The following FOCAD variants were observed in gnomAD, a reference collection of about 807,000 sequenced individuals.
FOCAD encodes the protein KIAA1797.
A neutral mutation model predicts 225.6 loss-of-function variants in FOCAD; 198 were observed. The ratio of observed to expected loss-of-function variants is 0.88; its 90% CI spans 0.78 to 0.99. FOCAD has a LOEUF of 0.99. FOCAD is among the 50% of genes least tolerant of loss of function. The pLI, the probability that FOCAD is intolerant of heterozygous loss-of-function variation, is 0.00. For missense variants in FOCAD, 2,713 were observed against 2,123.6 expected (o/e 1.28, Z -5.46); for synonymous variants, 897 against 755.0 (o/e 1.19, Z -3.08).
At chr9:20,744,022 T>C (rs1827840065) in intron 5 of FOCAD, among the ~76,000 whole-genome samples, 1 of 152,064 alleles carries the variant, frequency 6.6e-6, no homozygotes, top group Admixed American at 6.6e-5. Context: ...ACAGTGACTG[T>C]AAAGGAAAAG....
intron 5 of FOCAD, among the ~76,000 whole-genome samples, chr9:20,753,073 G>T (rs1446005938): frequency 1.3e-5 from 2 of 152,110 alleles, no homozygotes. Flanking sequence ...AGTCAATGGG[G>T]TTTTCTAGAT....
At position 20,936,092 on chromosome 9, in the gene FOCAD, TG is replaced by T. The variant is rs1157137149; in HGVS notation, c.3407+2990del. ...AGGCTTTCGGAAATACTGACATTTT[TG>T]AGGGAGCAACATCGTAGTTTTTTAG... On this transcript the variant is annotated intron_variant, in intron 28 of 43. Coordinates refer to ENST00000338382, the MANE Select transcript of FOCAD (RefSeq NM_001375567.1). 3.3e-5 allele frequency among the ~76,000 whole-genome samples: 5 copies of T among 152,338 alleles called. 1 individual carries two copies. The highest frequency in any genetic ancestry group is 3.3e-4 in the Admixed American group (5 of 15,304).
chr9:20,816,667 T>G (rs1322701220), intron 11 of FOCAD, among the ~76,000 whole-genome samples: 1 of 152,122 alleles, frequency 6.6e-6, no homozygotes, highest in Non-Finnish European at 1.5e-5. Context: ...CTTCGAAGGT[T>G]AGAAGGAACA....
chr9:20,743,171 T>G (rs891581039), intron 5 of FOCAD, among the ~76,000 whole-genome samples: 5 of 152,142 alleles, frequency 3.3e-5, no homozygotes, highest in African/African-American at 1.2e-4. Context: ...CATCCAGCCT[T>G]AGAGAGGCAA....
chr9:20,931,308 T>C (rs1031223970), intron 27 of FOCAD, among the ~76,000 whole-genome samples: 1 of 152,148 alleles, frequency 6.6e-6, no homozygotes, highest in Non-Finnish European at 1.5e-5. Context: ...TAACTACAGA[T>C]TTTAACTTTG....
At chr9:20,819,723 G>T (rs1168465245) in intron 11 of FOCAD, 73 bp from the exon 12 acceptor site, 2 of 710,784 alleles carry the variant, frequency 2.8e-6, no homozygotes, top group Non-Finnish European at 4.4e-6. Flanking sequence ...TGGAAAAAAA[G>T]AGATAAATAT....
At chr9:20,972,551 CCT>C (rs568474742) in intron 35 of FOCAD, among the ~76,000 whole-genome samples, 13 of 151,440 alleles carry the variant, frequency 8.6e-5, no homozygotes, top group African/African-American at 2.9e-4. Flanking sequence ...CTCCCTCTGC[CCT>C]CTCTTTTTCA....
At position 20,866,911 on chromosome 9, in the gene FOCAD, T is replaced by C. The variant is rs1161417477; in HGVS notation, c.2107-18T>C. 6.5e-6 allele frequency: 6 copies of C among 929,844 alleles called. No individual in the cohort carries two copies. The South Asian group carries it at 1.1e-4, about 17-fold the overall frequency. The allele number at this position is 929,844 out of a possible 1,614,324, so 57.6% of individuals were successfully genotyped here. On this transcript the variant is annotated intron_variant, in intron 17 of 43. Transcript: ENST00000338382. ...TGCTTTTTTTTTTTTTTTTTTTTTT[T>C]TTTTTTACCCTATCTAGGACCCAAT...
At chr9:20,830,916 AGTCCTCT>A (rs1244933459) in intron 15 of FOCAD, among the ~76,000 whole-genome samples, 2 of 152,026 alleles carry the variant, frequency 1.3e-5, no homozygotes, top group African/African-American at 4.8e-5. Context: ...TGGCTCAAGC[AGTCCTCT>A]CACCTTGGCC....
chr9:20,814,224 T>A (rs1416908045), intron 11 of FOCAD, among the ~76,000 whole-genome samples: 3 of 152,186 alleles, frequency 2.0e-5, no homozygotes, highest in Non-Finnish European at 4.4e-5. Flanking sequence ...CTATTGCCAT[T>A]TTGTTAATTG....
At chr9:20,662,279 A>C (rs948164812) in intron 2 of FOCAD, among the ~76,000 whole-genome samples, 5 of 152,180 alleles carry the variant, frequency 3.3e-5, no homozygotes, top group African/African-American at 1.2e-4. Flanking sequence ...TCCCATTACA[A>C]GGAATTAATT....
At chr9:20,708,638 G>A (rs552126466) in intron 1 of FOCAD, among the ~76,000 whole-genome samples, 42 of 152,174 alleles carry the variant, frequency 2.8e-4, no homozygotes, top group African/African-American at 8.9e-4. Flanking sequence ...AGCCAGGCAC[G>A]GTGGTGCATG....
intron 4 of FOCAD, among the ~76,000 whole-genome samples, chr9:20,720,892 A>G (rs948444027): frequency 6.6e-6 from 1 of 152,250 alleles, no homozygotes; most frequent in East Asian, 1.9e-4. Flanking sequence ...TATAGTTTAT[A>G]CATTGTAGTG....
At position 20,865,994 on chromosome 9, in the gene FOCAD, G is replaced by T; in HGVS notation, c.2106+18G>T. 6.3e-7 allele frequency: 1 copy of T among 1,594,584 alleles called. No homozygotes were observed. Among genetic ancestry groups the T allele is most frequent in the Non-Finnish European group, 8.6e-7 (1 of 1,168,728 alleles). On this transcript the variant is annotated intron_variant, in intron 17 of 43. Transcript: ENST00000338382. The stretch of plus-strand genomic sequence containing the variant: ...AAAACAAGGTACTATCACAAGGCTT[G>T]TCAGTGAATCAGAACAAAGCTAAGG...
chr9:20,665,335 A>G (rs1298750961), intron 2 of FOCAD, among the ~76,000 whole-genome samples: 1 of 152,198 alleles, frequency 6.6e-6, no homozygotes, highest in Non-Finnish European at 1.5e-5. Context: ...AGTGACTCCC[A>G]GAAAATGTAA....
At chr9:20,821,860 A>T (rs1001573312) in intron 14 of FOCAD, among the ~76,000 whole-genome samples, 1 of 151,956 alleles carries the variant, frequency 6.6e-6, no homozygotes, top group African/African-American at 2.4e-5. Flanking sequence ...GTTGGCCCAG[A>T]TGCTGATAAC....
intron 1 of FOCAD, among the ~76,000 whole-genome samples, chr9:20,693,351 C>A (rs758502316): frequency 1.4e-4 from 22 of 152,186 alleles, no homozygotes; most frequent in Non-Finnish European, 2.4e-4. Flanking sequence ...TTTCCCTGAC[C>A]ATCCTTTTAA....
At chr9:20,948,780 C>G in intron 31 of FOCAD, 71 bp from the exon 32 acceptor site, 1 of 1,534,570 alleles carries the variant, frequency 6.5e-7, no homozygotes, top group Non-Finnish European at 9.0e-7. Flanking sequence ...TCTCCGTGTC[C>G]TCAGAAGTTT....
chr9:20,715,370 G>A lies in FOCAD; in HGVS notation c.17G>A (p.Arg6Lys). The A allele has an allele frequency of 6.6e-7, 1 of 1,525,676 alleles. No individual in the cohort carries two copies. Among genetic ancestry groups the A allele is most frequent in the South Asian group, 1.4e-5 (1 of 73,002 alleles). 94.5% of individuals were successfully genotyped at this position (1,525,676 alleles called of 1,614,324 possible). ...GAAGCAAAAATGTCAGATGATATCA[G>A]GAAAAGGTTTGAATTTCCAAATTCT... MSDDIRKRFEFPNSLI... is the reference protein window; with the variant it reads MSDDIKKRFEFPNSLI... Residue 6 changes from arginine to lysine, a missense_variant, in exon 2 of 44, where the codon AGG (arginine) becomes AAG (lysine). Coordinates refer to ENST00000338382, the MANE Select transcript of FOCAD (RefSeq NM_001375567.1).
Sources: allele counts gnomAD v4.1 joint callset (sites outside exome capture counted in the v4.1 genomes callset), GRCh38; gene constraint gnomAD v4.1.1; transcripts MANE v1.5; gene names NCBI Gene and HGNC (gene_info 2026-07-23, HGNC 2026-07-21).